Variants in NDFIP1 observed in about 807,000 individuals in gnomAD.
NDFIP1 encodes Nedd4 family interacting protein 1, also known as NEDD4 family-interacting protein 1.
Under a neutral mutation model 28.8 loss-of-function variants are expected in NDFIP1, and 7 were observed. That is an observed-to-expected ratio of 0.24 (90% CI 0.14 to 0.46). NDFIP1 has a LOEUF of 0.46. Ranked by LOEUF, NDFIP1 falls within the 20% of genes least tolerant of loss-of-function variation. The pLI, the probability that NDFIP1 is intolerant of heterozygous loss-of-function variation, is 0.99. For missense variants in NDFIP1, 194 were observed against 269.1 expected, an observed-to-expected ratio of 0.72 and a Z score of 1.95; for synonymous variants, 92 against 101.0, an observed-to-expected ratio of 0.91 and a Z score of 0.53.
chr5:142,115,832 C>T (rs1000909940), intron 1 of NDFIP1, among the ~76,000 whole-genome samples: 1 of 151,940 alleles, frequency 6.6e-6, no homozygotes, highest in African/African-American at 2.4e-5. Context: ...GTTCTACATT[C>T]GCAGATTCAA....
At chr5:142,141,168 CTTTTTTT>C (rs1161113130) in intron 6 of NDFIP1, among the ~76,000 whole-genome samples, 5 of 59,954 alleles carry the variant, frequency 8.3e-5, no homozygotes, top group Middle Eastern at 0.011. Context: ...GGCAAGAGGA[CTTTTTTT>C]TTTTTTTTTT....
intron 1 of NDFIP1, among the ~76,000 whole-genome samples, chr5:142,109,664 G>T (rs1756991549): frequency 6.6e-6 from 1 of 152,218 alleles, no homozygotes; most frequent in Admixed American, 6.5e-5. Flanking sequence ...TGCAGGGCGT[G>T]TGCCGGGTGT....
chr5:142,147,398 C>T (rs3850577), intron 7 of NDFIP1, among the ~76,000 whole-genome samples: 22,714 of 152,074 alleles, frequency 0.15, 2,298 homozygotes, highest in African/African-American at 0.29. Flanking sequence ...ACTAGAAAAC[C>T]GTCATGTGAA....
intron 1 of NDFIP1, among the ~76,000 whole-genome samples, chr5:142,125,935 C>T (rs1006187512): frequency 8.5e-5 from 13 of 152,100 alleles, no homozygotes; most frequent in Admixed American, 5.2e-4. Context: ...AAATCATTTG[C>T]CCATTTTATA....
chr5:142,142,929 AAAAAAAAAAAAATATATAT>A (rs1303056199), intron 6 of NDFIP1: 6 of 77,400 alleles, frequency 7.8e-5, no homozygotes, highest in African/African-American at 2.3e-4. Flanking sequence ...AAAAAAAAAA[AAAAAAAAAAAAATATATAT>A]ATATATATAT....
chr5:142,130,629 G>T (rs550968175), intron 1 of NDFIP1, among the ~76,000 whole-genome samples: 27 of 151,740 alleles, frequency 1.8e-4, no homozygotes, highest in African/African-American at 6.0e-4. Context: ...GTTAGCCAGG[G>T]TCACAGTGTG....
chr5:142,124,761 C>CT (rs1355349689), intron 1 of NDFIP1, among the ~76,000 whole-genome samples: 1 of 151,942 alleles, frequency 6.6e-6, no homozygotes, highest in Non-Finnish European at 1.5e-5. Flanking sequence ...TGAGGATAGT[C>CT]TAACTCTGGT....
At chr5:142,117,463 G>A (rs937743808) in intron 1 of NDFIP1, among the ~76,000 whole-genome samples, 2 of 151,448 alleles carry the variant, frequency 1.3e-5, no homozygotes, top group East Asian at 2.0e-4. Context: ...AGATGGTCTC[G>A]ATCTCTTGAC....
intron 1 of NDFIP1, among the ~76,000 whole-genome samples, chr5:142,124,921 G>C (rs1812942): frequency 0.27 from 41,466 of 152,000 alleles, 6,974 homozygotes; most frequent in Non-Finnish European, 0.37. Flanking sequence ...CACCTCCCGG[G>C]TTCACACCAT....
At chr5:142,121,376 C>A (rs940961847) in intron 1 of NDFIP1, among the ~76,000 whole-genome samples, 2 of 152,132 alleles carry the variant, frequency 1.3e-5, no homozygotes, top group Non-Finnish European at 2.9e-5. Flanking sequence ...AACTATAAAG[C>A]CATACTATTC....
At chr5:142,112,974 C>T (rs975937081) in intron 1 of NDFIP1, among the ~76,000 whole-genome samples, 5 of 152,220 alleles carry the variant, frequency 3.3e-5, no homozygotes, top group South Asian at 2.1e-4. Flanking sequence ...CGTTAACTCC[C>T]GTTCATCCAT....
chr5:142,136,374 T>G (rs1757274714), intron 4 of NDFIP1, among the ~76,000 whole-genome samples: 1 of 152,204 alleles, frequency 6.6e-6, no homozygotes, highest in Non-Finnish European at 1.5e-5. Context: ...ATGAGTGACT[T>G]GAATCAGATT....
At position 142,120,167 on chromosome 5, in the gene NDFIP1, G is replaced by A. The variant is rs183246959; in HGVS notation, c.63+11130G>A. Among the ~76,000 whole-genome samples, 886 of 152,184 alleles carry A rather than the reference G, an allele frequency of 5.8e-3. 6 individuals carry two copies. The highest frequency in any genetic ancestry group is 0.017 in the Middle Eastern group (5 of 294). ...GACGGGGTTTCACTATGTTGGTCAG[G>A]CTGGTCTCAAACTCCTGACCTCAGG... On this transcript the variant is annotated intron_variant, in intron 1 of 7. Coordinates refer to ENST00000253814, the MANE Select transcript of NDFIP1 (RefSeq NM_030571.4).
intron 1 of NDFIP1, 34 bp from the exon 2 acceptor site, chr5:142,131,774 T>C (rs749376196): frequency 6.6e-7 from 1 of 1,516,930 alleles, no homozygotes; most frequent in Non-Finnish European, 8.9e-7. Context: ...TAATTGGCTT[T>C]ATGCTTACAT....
chr5:142,125,767 C>T (rs1757164229), intron 1 of NDFIP1, among the ~76,000 whole-genome samples: 1 of 152,228 alleles, frequency 6.6e-6, no homozygotes, highest in Non-Finnish European at 1.5e-5. Flanking sequence ...ACATACTCAG[C>T]ACTTGTTATT....
At chr5:142,121,432 A>G (rs530390195) in intron 1 of NDFIP1, among the ~76,000 whole-genome samples, 7 of 152,372 alleles carry the variant, frequency 4.6e-5, no homozygotes, top group African/African-American at 1.7e-4. Flanking sequence ...AAAGGAATAC[A>G]TAGTATAGAT....
intron 1 of NDFIP1, among the ~76,000 whole-genome samples, chr5:142,110,617 G>A (rs1157709937): frequency 2.6e-5 from 4 of 151,662 alleles, no homozygotes; most frequent in Non-Finnish European, 5.9e-5. Flanking sequence ...AAAAAAAAGA[G>A]AAAAAAATCT....
At chr5:142,116,388 C>G (rs891619171) in intron 1 of NDFIP1, among the ~76,000 whole-genome samples, 45 of 150,034 alleles carry the variant, frequency 3.0e-4, no homozygotes, top group African/African-American at 1.0e-3. Flanking sequence ...TTCTTTCTTT[C>G]AACAGAGTCT....
intron 4 of NDFIP1, 45 bp downstream of exon 4, chr5:142,135,862 G>A (rs755117662): frequency 7.3e-7 from 1 of 1,377,578 alleles, no homozygotes; most frequent in East Asian, 2.3e-5. Flanking sequence ...AAACTAGAGT[G>A]CTTTGGATTA....
Sources: allele counts gnomAD v4.1 joint callset (sites outside exome capture counted in the v4.1 genomes callset), GRCh38; gene constraint gnomAD v4.1.1; transcripts MANE v1.5; gene names NCBI Gene and HGNC (gene_info 2026-07-23, HGNC 2026-07-21).